The following GLIS3 variants were observed in gnomAD, a reference collection of about 807,000 sequenced individuals.
GLIS3 encodes the protein zinc finger protein GLIS3.
A neutral mutation model predicts 78.6 loss-of-function variants in GLIS3; 53 were observed. The observed-to-expected ratio is 0.67, with a 90% CI of 0.54 to 0.85. The LOEUF (loss-of-function observed/expected upper bound fraction) is 0.85, where lower values mean the gene tolerates loss of function less well. Ranked by LOEUF, GLIS3 falls within the 40% of genes least tolerant of loss-of-function variation. The pLI is 0.00. For synonymous variants in GLIS3, 684 were observed against 509.9 expected, an observed-to-expected ratio of 1.34 and a Z score of -4.60; for missense variants, 1,703 against 1,231.1, an observed-to-expected ratio of 1.38 and a Z score of -5.74.
intron 2 of GLIS3, among the ~76,000 whole-genome samples, chr9:4,219,542 C>T (rs1055627352): frequency 6.6e-6 from 1 of 152,180 alleles, no homozygotes; most frequent in Non-Finnish European, 1.5e-5. Context: ...TGTGACCAAA[C>T]CCAGCAATCT....
rs1485991340 is a variant in GLIS3 at position 3,840,993 on chromosome 9, T to A, written c.2474-11501A>T. Among the ~76,000 whole-genome samples the A allele has an allele frequency of 2.0e-5, 3 of 152,050 alleles. No individual in the cohort carries two copies. The East Asian group carries it at 5.8e-4, about 29-fold the overall frequency. On this transcript the variant is annotated intron_variant, in intron 9 of 10. Coordinates refer to ENST00000381971, the MANE Select transcript of GLIS3 (RefSeq NM_001042413.2). The stretch of plus-strand genomic sequence containing the variant: ...GAAGGAGGAGGTTCTGCTACTCACA[T>A]CTGCAAAAGGTTCAAACAAGGGGAT...
chr9:4,241,680 T>G (rs1469374497), intron 2 of GLIS3, among the ~76,000 whole-genome samples: 1 of 147,974 alleles, frequency 6.8e-6, no homozygotes, highest in Non-Finnish European at 1.5e-5. Context: ...TTTTGTTTTT[T>G]GTTTTGTTTT....
chr9:4,268,452 T>A (rs1826210605), intron 2 of GLIS3, among the ~76,000 whole-genome samples: 1 of 152,218 alleles, frequency 6.6e-6, no homozygotes, highest in Non-Finnish European at 1.5e-5. Flanking sequence ...GCATTATTAC[T>A]CTGGGAATGT....
chr9:3,828,597 G>T (rs1390545549), intron 10 of GLIS3, among the ~76,000 whole-genome samples, 189 bp from the exon 11 acceptor site: 1 of 152,214 alleles, frequency 6.6e-6, no homozygotes, highest in Non-Finnish European at 1.5e-5. Flanking sequence ...CTTGCAGGCA[G>T]CTGGCTAAAA....
intron 4 of GLIS3, among the ~76,000 whole-genome samples, chr9:3,949,842 C>T (rs1375012121): frequency 1.3e-5 from 2 of 152,084 alleles, no homozygotes; most frequent in East Asian, 1.9e-4. Flanking sequence ...TGCTATTTTC[C>T]GTTGGTGGAT....
At chr9:3,971,093 T>C (rs1220407818) in intron 4 of GLIS3, among the ~76,000 whole-genome samples, 1 of 147,602 alleles carries the variant, frequency 6.8e-6, no homozygotes, top group Admixed American at 6.7e-5. Flanking sequence ...GAAGGAAGGA[T>C]AGATCGAAGG....
chr9:4,322,743 C>T (rs910968384), intron 2 of GLIS3, among the ~76,000 whole-genome samples: 4 of 152,130 alleles, frequency 2.6e-5, no homozygotes, highest in African/African-American at 9.7e-5. Context: ...ACTTTGCCCA[C>T]TTTTTGATGG....
chr9:4,393,143 CT>C, the GLIS3 span, among the ~76,000 whole-genome samples: 1 of 152,066 alleles, frequency 6.6e-6, no homozygotes, highest in African/African-American at 2.4e-5. Context: ...ATAAGGAACT[CT>C]GTATATCTTT....
chr9:4,002,537 C>A (rs1247847765), intron 4 of GLIS3, among the ~76,000 whole-genome samples: 1 of 152,160 alleles, frequency 6.6e-6, no homozygotes, highest in Non-Finnish European at 1.5e-5. Flanking sequence ...TATCTTCATG[C>A]CTCATTGGTA....
At position 4,118,125 on chromosome 9, in the gene GLIS3, A is replaced by C; in HGVS notation, c.1353T>G (p.Pro451=). ...VDLPPAPPLP[P]LPPPPGPPPP... Reference sequence around the variant, plus strand: ...GTGGGGGGCCTGGGGGCGGCGGCAGAGGAGGGAGCGGAGGCGCGGGGGGTA... The same window carrying C: ...GTGGGGGGCCTGGGGGCGGCGGCAGCGGAGGGAGCGGAGGCGCGGGGGGTA... Residue 451 remains proline, a synonymous_variant, in exon 4 of 11, where the codon CCT becomes CCG. Transcript: ENST00000381971. This position sits in a 1 kb window ranked among gnomAD's most constrained non-coding sequence, Gnocchi z 4.7. 6.5e-7 allele frequency: 1 copy of C among 1,544,042 alleles called. No individual in the cohort carries two copies. Among genetic ancestry groups the C allele is most frequent in the Non-Finnish European group, 8.8e-7 (1 of 1,142,634 alleles).
At chr9:4,142,678 G>C (rs116663265) in intron 2 of GLIS3, among the ~76,000 whole-genome samples, 1 of 152,058 alleles carries the variant, frequency 6.6e-6, no homozygotes, top group Non-Finnish European at 1.5e-5. Context: ...AAAAGTCATC[G>C]GGTAATATTA....
intron 7 of GLIS3, among the ~76,000 whole-genome samples, chr9:3,887,413 G>A (rs566678406): frequency 2.0e-5 from 3 of 152,290 alleles, no homozygotes; most frequent in East Asian, 1.9e-4. Context: ...GTGAGGGCAC[G>A]GCTCTGTAGA....
intron 2 of GLIS3, among the ~76,000 whole-genome samples, chr9:4,173,387 C>T (rs541295340): frequency 6.6e-6 from 1 of 152,218 alleles, no homozygotes; most frequent in East Asian, 1.9e-4. Flanking sequence ...GTCCCTAACT[C>T]TTCCTATTTA....
intron 4 of GLIS3, among the ~76,000 whole-genome samples, chr9:3,952,355 C>A (rs1028341817): frequency 1.3e-5 from 2 of 152,144 alleles, no homozygotes; most frequent in Non-Finnish European, 2.9e-5. Context: ...AGAAGCCCCC[C>A]CAGAGGCACC....
chr9:4,010,639 G>T (rs1242204823), intron 4 of GLIS3, among the ~76,000 whole-genome samples: 2 of 152,202 alleles, frequency 1.3e-5, no homozygotes, highest in South Asian at 4.1e-4. Flanking sequence ...GCCTGCTTTG[G>T]TGTCATAAGT....
chr9:4,459,571 C>T, the GLIS3 span, among the ~76,000 whole-genome samples: 1 of 152,222 alleles, frequency 6.6e-6, no homozygotes. Context: ...CGTGACCAGA[C>T]TGGGCAACAC....
At chr9:3,841,161 C>T (rs1463787854) in intron 9 of GLIS3, among the ~76,000 whole-genome samples, 1 of 152,236 alleles carries the variant, frequency 6.6e-6, no homozygotes, top group Admixed American at 6.5e-5. Flanking sequence ...CACCCAAAAC[C>T]CTAGTGCGTG....
chr9:4,148,870 C>T (rs1834442460), intron 2 of GLIS3, among the ~76,000 whole-genome samples: 1 of 152,100 alleles, frequency 6.6e-6, no homozygotes, highest in African/African-American at 2.4e-5. Flanking sequence ...CTGGCCATTC[C>T]TAACCCATTC....
rs117860038 is a variant in GLIS3 at position 3,878,843 on chromosome 9, T to C, written c.2297+584A>G. ...GAGAAGCAAGAGATGCAGACTCTTA[T>C]TTTGGTTTGTGGTACACAGAAGCAC... On this transcript the variant is annotated intron_variant, in intron 8 of 10. Transcript: ENST00000381971. 9.0e-3 allele frequency: 1,405 copies of C among 156,826 alleles called. 9 individuals carry two copies. The highest frequency in any genetic ancestry group is 0.014 in the Non-Finnish European group (968 of 70,688). 9.7% of individuals were successfully genotyped at this position (156,826 alleles called of 1,614,324 possible). A position where few individuals can be genotyped will look rare whatever the true frequency, so the allele number is the denominator to read the frequency against.
Sources: allele counts gnomAD v4.1 joint callset (sites outside exome capture counted in the v4.1 genomes callset), GRCh38; gene constraint gnomAD v4.1.1; non-coding constraint Gnocchi (gnomAD v3.1); transcripts MANE v1.5; gene names NCBI Gene and HGNC (gene_info 2026-07-23, HGNC 2026-07-21).